The following TASOR2 variants were observed in gnomAD, a reference collection of about 807,000 sequenced individuals.
TASOR2 encodes transcription activation suppressor family member 2.
A neutral mutation model predicts 199.5 loss-of-function variants in TASOR2; 84 were observed. The ratio of observed to expected loss-of-function variants is 0.42; its 90% confidence interval spans 0.35 to 0.50. TASOR2 has a LOEUF of 0.50. Among genes scored for constraint, TASOR2 ranks in the 20% least tolerant of loss-of-function variants. The probability of loss-of-function intolerance (pLI) is 0.02; values close to 1 mark genes in which losing one functional copy is unlikely to be tolerated. For synonymous variants in TASOR2, 1,103 were observed against 1,046.6 expected (o/e 1.05, Z -1.04); for missense variants, 2,796 against 2,835.9 (o/e 0.99, Z 0.32).
intron 6 of TASOR2, among the ~76,000 whole-genome samples, chr10:5,721,338 A>G (rs1833333199): frequency 6.6e-6 from 1 of 152,194 alleles, no homozygotes; most frequent in African/African-American, 2.4e-5. Context: ...ATTTTCTTAG[A>G]AAAATGTTAG....
At chr10:5,761,449 C>T (rs775432806) in exon 19 of TASOR2, 3 of 1,612,396 alleles carry the variant, frequency 1.9e-6, no homozygotes, top group Non-Finnish European at 1.7e-6. Flanking sequence ...ATATTGATGC[C>T]AGGTTTGCTG....
At chr10:5,717,591 T>A (rs1297313281) in intron 2 of TASOR2, 68 bp from the exon 4 acceptor site, 1 of 597,874 alleles carries the variant, frequency 1.7e-6, no homozygotes, top group Non-Finnish European at 2.4e-6. Context: ...CTAATTGGTC[T>A]TCTTGCTTCT....
chr10:5,735,187 C>A (rs1835400177), intron 11 of TASOR2, 117 bp from the exon 13 acceptor site: 2 of 1,176,568 alleles, frequency 1.7e-6, no homozygotes, highest in Non-Finnish European at 2.4e-6. Context: ...ATAGTTTATT[C>A]CCCATTACTA....
chr10:5,726,393 G>A (rs58502403), intron 8 of TASOR2, among the ~76,000 whole-genome samples: 7,971 of 152,130 alleles, frequency 0.052, 751 homozygotes, highest in East Asian at 0.44. Flanking sequence ...ATTATTTTCT[G>A]TTATTTTCCA....
chr10:5,758,291 A>C (rs567655622), intron 17 of TASOR2, among the ~76,000 whole-genome samples: 67 of 152,292 alleles, frequency 4.4e-4, no homozygotes, highest in African/African-American at 1.6e-3. Flanking sequence ...CTGTAATCCC[A>C]ACACTTTGGG....
intron 13 of TASOR2, among the ~76,000 whole-genome samples, chr10:5,741,204 A>G (rs2797487): frequency 0.85 from 129,134 of 152,234 alleles, 54,852 homozygotes; most frequent in African/African-American, 0.88. Context: ...GGTGATATCA[A>G]TGGTGGATGA....
chr10:5,726,196 A>G (rs755959500), intron 8 of TASOR2, among the ~76,000 whole-genome samples: 4 of 152,210 alleles, frequency 2.6e-5, no homozygotes, highest in Non-Finnish European at 4.4e-5. Flanking sequence ...TATTAAATTC[A>G]TGATTTAGAA....
chr10:5,696,611 C>T (rs941321164), intron 1 of TASOR2, among the ~76,000 whole-genome samples: 4 of 152,160 alleles, frequency 2.6e-5, no homozygotes, highest in Admixed American at 2.0e-4. Flanking sequence ...GCCTTGGCTT[C>T]CCAAAGTACT....
Position 5,720,279 on chromosome 10 carries a change from C to G in TASOR2, c.-99-265C>G. On this transcript the variant is annotated intron_variant, in intron 3 of 20. Transcript: ENST00000328090. This position sits in a 1 kb window ranked among gnomAD's most constrained non-coding sequence, Gnocchi z 5.3. ...TTCTAGGGAAAAGTCAAGTTTGTGT[C>G]TGAGAATTATACAACTAACTATACT... 1 of 985,310 alleles carries G rather than the reference C, an allele frequency of 1.0e-6. No individual in the cohort carries two copies. The allele number at this position is 985,310 out of a possible 1,614,324, so 61.0% of individuals were successfully genotyped here. A position where few individuals can be genotyped will look rare whatever the true frequency, so the allele number is the denominator to read the frequency against.
Position 5,740,004 on chromosome 10 carries a change from A to C in TASOR2, c.1834A>C (p.Thr612Pro), listed in dbSNP as rs75862308. 1,553 of 1,614,128 alleles carry C rather than the reference A, an allele frequency of 9.6e-4. 30 individuals are homozygous for C. In the East Asian group the frequency reaches 0.024, roughly 25 times the overall value. ...GAAGAGTAATTCTGGATCAGACTTA[A>C]CAGTTAGCCAAGATGAAGAAAGCTT... Residue 612 changes from threonine to proline, a missense_variant, in exon 13 of 21, where the codon ACA becomes CCA. Thr to Pro is a conservative substitution (Grantham distance 38). Transcript: ENST00000328090. The surrounding 1 kb of genome is among the most constrained non-coding windows in gnomAD (Gnocchi z 5.3).
At chr10:5,746,790 C>T (rs1837283383) in exon 15 of TASOR2, 1 of 1,614,056 alleles carries the variant, frequency 6.2e-7, no homozygotes, top group East Asian at 2.2e-5. Context: ...GCACTAAGTA[C>T]CTTTGTGCCT....
At chr10:5,691,483 A>T (rs1445256620) in intron 1 of TASOR2, among the ~76,000 whole-genome samples, 1 of 152,194 alleles carries the variant, frequency 6.6e-6, no homozygotes, top group African/African-American at 2.4e-5. Flanking sequence ...AAAAGTTTTT[A>T]AAAAAGGTAA....
At chr10:5,703,986 G>A (rs1345575751) in intron 1 of TASOR2, among the ~76,000 whole-genome samples, 2 of 151,826 alleles carry the variant, frequency 1.3e-5, no homozygotes, top group Non-Finnish European at 2.9e-5. Context: ...ACTTTGGGGG[G>A]CCCAGGTGGG....
At chr10:5,741,518 C>T (rs1836424018) in intron 13 of TASOR2, among the ~76,000 whole-genome samples, 1 of 152,192 alleles carries the variant, frequency 6.6e-6, no homozygotes, top group African/African-American at 2.4e-5. Context: ...GGTACTCCAG[C>T]GATCTGCCAT....
chr10:5,722,152 T>G lies in TASOR2; in HGVS notation c.146+1182T>G, dbSNP rs1389167281. Among the ~76,000 whole-genome samples the G allele has an allele frequency of 6.6e-6, 1 of 152,136 alleles. No individual in the cohort carries two copies. Among genetic ancestry groups the G allele is most frequent in the African/African-American group, 2.4e-5 (1 of 41,424 alleles). On this transcript the variant is annotated intron_variant, in intron 6 of 20. Coordinates refer to ENST00000328090, the Ensembl canonical transcript of TASOR2. The surrounding 1 kb of genome is among the most constrained non-coding windows in gnomAD (Gnocchi z 4.0). ...TTGATTTTGCTTATTGCTTTGGGGT[T>G]GTATAAGAAAATTTGCTAGGGGCCA...
intron 14 of TASOR2, among the ~76,000 whole-genome samples, chr10:5,744,425 C>T (rs1301490008): frequency 6.6e-6 from 1 of 152,188 alleles, no homozygotes; most frequent in Non-Finnish European, 1.5e-5. Context: ...GCCTCAGCCT[C>T]CCTAGTAGCT....
intron 14 of TASOR2, 108 bp from the exon 16 acceptor site, chr10:5,746,071 C>T (rs1426129742): frequency 5.5e-6 from 7 of 1,266,014 alleles, no homozygotes; most frequent in Admixed American, 2.8e-5. Context: ...AGAACATTCA[C>T]AAACTAAAAT....
At chr10:5,762,882 C>A in intron 20 of TASOR2, 147 bp from the exon 22 acceptor site, 1 of 707,830 alleles carries the variant, frequency 1.4e-6, no homozygotes, top group Non-Finnish European at 2.3e-6. Context: ...TGTGCATTTT[C>A]ACTTGCTGTT....
intron 1 of TASOR2, among the ~76,000 whole-genome samples, chr10:5,697,148 C>T (rs563690518): frequency 6.6e-6 from 1 of 152,144 alleles, no homozygotes; most frequent in Non-Finnish European, 1.5e-5. Flanking sequence ...AAAAAATAAA[C>T]AAAACTTCAT....
Sources: gnomAD v4.1 joint callset for allele counts (sites outside exome capture counted in the v4.1 genomes callset) on GRCh38, gnomAD v4.1.1 for gene constraint, Gnocchi (gnomAD v3.1) non-coding constraint, MANE v1.5 for transcripts, NCBI Gene and HGNC (gene_info 2026-07-23, HGNC 2026-07-21) for gene names.